MYLK: variants seen among roughly 807,000 people sequenced by gnomAD.
MYLK encodes the protein myosin light chain kinase.
Under a neutral mutation model 203.4 loss-of-function variants are expected in MYLK, and 106 were observed. The ratio of observed to expected loss-of-function variants is 0.52; its 90% CI spans 0.45 to 0.61. MYLK has a LOEUF of 0.61. Among genes scored for constraint, MYLK ranks in the 20% least tolerant of loss-of-function variants. MYLK has a pLI of 0.00. For missense variants in MYLK, 2,072 were observed against 2,442.3 expected, an observed-to-expected ratio of 0.85 and a Z score of 3.20; for synonymous variants, 867 against 959.5, an observed-to-expected ratio of 0.90 and a Z score of 1.78.
intron 3 of MYLK, among the ~76,000 whole-genome samples, chr3:123,823,951 C>G (rs749904914): frequency 3.3e-5 from 5 of 152,192 alleles, no homozygotes; most frequent in Non-Finnish European, 2.9e-5. Flanking sequence ...CTTCTCAAGA[C>G]CCCCTCCTTT....
At chr3:123,685,612 G>GAAAAA (rs59215456) in intron 19 of MYLK, among the ~76,000 whole-genome samples, 80 of 112,262 alleles carry the variant, frequency 7.1e-4, no homozygotes, top group African/African-American at 1.6e-3. Flanking sequence ...TCCAAAAAAT[G>GAAAAA]AAAAAAAAAA....
intron 2 of MYLK, among the ~76,000 whole-genome samples, chr3:123,865,404 G>T (rs1349294826): frequency 6.6e-6 from 1 of 152,146 alleles, no homozygotes; most frequent in African/African-American, 2.4e-5. Flanking sequence ...ATGGAAACTG[G>T]TTAGAAAACT....
In MYLK at chr3:123,786,938, T is replaced by C. The variant is rs539131413; in HGVS notation, c.165+6739A>G. On this transcript the variant is annotated intron_variant, in intron 4 of 33. Coordinates refer to ENST00000360304, the MANE Select transcript of MYLK (RefSeq NM_053025.4). ...ATTAATGGTGGCCACCTATATAGAG[T>C]AGAAGTGAGGGCTAAGGCAAATAAC... Among the ~76,000 whole-genome samples, 488 of 152,256 alleles carry C rather than the reference T, an allele frequency of 3.2e-3. 2 individuals carry two copies. The highest frequency in any genetic ancestry group is 5.0e-3 in the Non-Finnish European group (342 of 68,020).
intron 1 of MYLK, among the ~76,000 whole-genome samples, chr3:123,876,853 C>A (rs2033180378): frequency 6.6e-6 from 1 of 152,128 alleles, no homozygotes; most frequent in Admixed American, 6.5e-5. Context: ...ATTAACATGT[C>A]CTTCCCTTGA....
rs1315167625 is a variant in MYLK, at chr3:123,876,540, T to C, written c.-127+19A>G. 2 of 152,228 alleles carry C rather than the reference T, an allele frequency of 1.3e-5. No homozygotes were observed. The highest frequency in any genetic ancestry group is 1.9e-4 in the East Asian group (1 of 5,202). 9.4% of individuals were successfully genotyped at this position (152,228 alleles called of 1,614,324 possible). On this transcript the variant is annotated intron_variant, in intron 2 of 33. Coordinates refer to ENST00000360304, the MANE Select transcript of MYLK (RefSeq NM_053025.4). ...GGAATAAAGAAAATATAAGAATCCATCTTTTATCATGCTATTACCTTTATT... is the reference window on the plus strand; with the variant it reads ...GGAATAAAGAAAATATAAGAATCCACCTTTTATCATGCTATTACCTTTATT...
At chr3:123,871,528 G>A (rs2032782895) in intron 2 of MYLK, among the ~76,000 whole-genome samples, 1 of 152,014 alleles carries the variant, frequency 6.6e-6, no homozygotes, top group South Asian at 2.1e-4. Context: ...AGGATAATAA[G>A]TTAATATTAT....
At position 123,647,243 on chromosome 3, in the gene MYLK, T is replaced by A; in HGVS notation, c.4600A>T (p.Ile1534Phe). 6.2e-7 allele frequency: 1 copy of A among 1,614,228 alleles called. No homozygotes were observed. Among genetic ancestry groups the A allele is most frequent in the East Asian group, 2.2e-5 (1 of 44,882 alleles). ...CVDAFEEKAN[I>F]VMVLEIVSGG... ...ACTCACATCTCCAGGACCATGACGA[T>A]GTTGGCCTTTTCTTCAAAGGCATCC... Residue 1534 changes from isoleucine to phenylalanine, a missense_variant, in exon 27 of 34, where the codon ATC (isoleucine) becomes TTC (phenylalanine). Around this residue, in one of 3 missense-constraint regions of MYLK, gnomAD observed 524 missense variants for 782.4 expected, o/e 0.67. Transcript: ENST00000360304.
intron 13 of MYLK, among the ~76,000 whole-genome samples, chr3:123,711,856 A>C (rs2061707051): frequency 1.3e-5 from 2 of 152,154 alleles, no homozygotes; most frequent in African/African-American, 4.8e-5. Flanking sequence ...GGAGGTTTCC[A>C]GGGTATGTAA....
chr3:123,865,064 A>T (rs1408156911), intron 2 of MYLK, among the ~76,000 whole-genome samples: 1 of 152,080 alleles, frequency 6.6e-6, no homozygotes, highest in Non-Finnish European at 1.5e-5. Flanking sequence ...TGTTTTGCCT[A>T]TCTGTGGGGT....
chr3:123,808,997 C>T (rs965845609), intron 3 of MYLK, among the ~76,000 whole-genome samples: 6 of 152,154 alleles, frequency 3.9e-5, no homozygotes, highest in African/African-American at 9.7e-5. Context: ...AGATGCCACA[C>T]GGAAGAGCTG....
At chr3:123,812,971 C>T (rs2065612717) in intron 3 of MYLK, among the ~76,000 whole-genome samples, 1 of 152,170 alleles carries the variant, frequency 6.6e-6, no homozygotes, top group African/African-American at 2.4e-5. Flanking sequence ...AGGCTTGGCT[C>T]CCAGGCTAGA....
intron 11 of MYLK, 87 bp downstream of exon 11, chr3:123,732,806 TATA>T: frequency 7.8e-7 from 1 of 1,274,416 alleles, no homozygotes; most frequent in Non-Finnish European, 1.1e-6. Context: ...GGCAGGGGGC[TATA>T]GGAGATGAAC....
intron 2 of MYLK, among the ~76,000 whole-genome samples, chr3:123,869,861 A>C (rs1223701338): frequency 6.6e-6 from 1 of 152,252 alleles, no homozygotes; most frequent in Non-Finnish European, 1.5e-5. Flanking sequence ...GGACCTTCCC[A>C]TCAACTGCCC....
chr3:123,745,013 A>G (rs939130379), intron 5 of MYLK, among the ~76,000 whole-genome samples: 1 of 152,238 alleles, frequency 6.6e-6, no homozygotes, highest in African/African-American at 2.4e-5. Flanking sequence ...TAGAAATGTT[A>G]TATTTCATTT....
At chr3:123,764,738 A>G (rs530561026) in intron 4 of MYLK, among the ~76,000 whole-genome samples, 21 of 152,290 alleles carry the variant, frequency 1.4e-4, no homozygotes, top group African/African-American at 4.6e-4. Context: ...CATGGACTAC[A>G]GCGGGGAACC....
At chr3:123,709,126 C>G in intron 14 of MYLK, 1 of 346,090 alleles carries the variant, frequency 2.9e-6, no homozygotes, top group Non-Finnish European at 5.3e-6. Flanking sequence ...TTGGGAAGTT[C>G]TCACATAATT....
intron 3 of MYLK, 98 bp from the exon 4 acceptor site, chr3:123,793,942 T>C: frequency 1.5e-6 from 2 of 1,373,260 alleles, no homozygotes; most frequent in Non-Finnish European, 2.0e-6. Flanking sequence ...GGTGTGGCTT[T>C]TACGTGGAGC....
chr3:123,735,663 T>C (rs2062649788), intron 8 of MYLK: 1 of 505,988 alleles, frequency 2.0e-6, no homozygotes, highest in South Asian at 2.6e-5. Context: ...ATGGAATCTG[T>C]TTCTGTTCAC....
chr3:123,742,055 C>T (rs2108830416), intron 5 of MYLK, among the ~76,000 whole-genome samples: 1 of 152,284 alleles, frequency 6.6e-6, no homozygotes, highest in East Asian at 1.9e-4. Flanking sequence ...CCTGCTTTTA[C>T]CAGGTTATTC....
Sources: allele counts gnomAD v4.1 joint callset (sites outside exome capture counted in the v4.1 genomes callset), GRCh38; gene constraint gnomAD v4.1.1; regional missense constraint gnomAD v4.1.1; transcripts MANE v1.5; gene names NCBI Gene and HGNC (gene_info 2026-07-23, HGNC 2026-07-21).